The following GPC5 variants were observed in gnomAD, a reference collection of about 807,000 sequenced individuals.
GPC5 encodes glypican 5, also known as glypican-5.
Under a neutral mutation model 53.9 loss-of-function variants are expected in GPC5, and 47 were observed. The ratio of observed to expected loss-of-function variants is 0.87; its 90% CI spans 0.69 to 1.11. The LOEUF (loss-of-function observed/expected upper bound fraction) is 1.11, where lower values mean the gene tolerates loss of function less well. GPC5 is among the 50% of genes most tolerant of loss of function. The probability of loss-of-function intolerance (pLI) is 0.00; values close to 1 mark genes in which losing one functional copy is unlikely to be tolerated. For missense variants in GPC5, 748 were observed against 713.1 expected (o/e 1.05, Z -0.56); for synonymous variants, 286 against 263.3 (o/e 1.09, Z -0.84).
intron 7 of GPC5, among the ~76,000 whole-genome samples, chr13:92,767,757 G>A (rs1191208076): frequency 6.6e-6 from 1 of 151,940 alleles, no homozygotes; most frequent in Non-Finnish European, 1.5e-5. Flanking sequence ...AAGCATATTC[G>A]GCTGTACCTC....
At chr13:91,451,010 A>G (rs893261111) in intron 2 of GPC5, among the ~76,000 whole-genome samples, 10 of 152,194 alleles carry the variant, frequency 6.6e-5, no homozygotes, top group Non-Finnish European at 5.9e-5. Context: ...GCTGTACCAT[A>G]AGTGAGCAGG....
intron 5 of GPC5, among the ~76,000 whole-genome samples, chr13:91,846,287 G>C (rs1293660517): frequency 6.6e-6 from 1 of 151,688 alleles, no homozygotes; most frequent in Non-Finnish European, 1.5e-5. Context: ...ATCCTAAACT[G>C]CATGCTTTAT....
At chr13:92,709,946 C>G (rs563407299) in intron 7 of GPC5, among the ~76,000 whole-genome samples, 2 of 152,268 alleles carry the variant, frequency 1.3e-5, no homozygotes, top group East Asian at 3.9e-4. Flanking sequence ...AAAAAGATTT[C>G]TAAGAAGACT....
At chr13:91,726,234 T>C (rs2036574099) in intron 3 of GPC5, among the ~76,000 whole-genome samples, 1 of 152,214 alleles carries the variant, frequency 6.6e-6, no homozygotes, top group South Asian at 2.1e-4. Flanking sequence ...CCTGTTGACT[T>C]TGCCTCTCTT....
intron 7 of GPC5, among the ~76,000 whole-genome samples, chr13:92,708,214 A>AGAG (rs1888014416): frequency 1.3e-5 from 2 of 152,196 alleles, no homozygotes; most frequent in Admixed American, 1.3e-4. Context: ...AGGTGAATCA[A>AGAG]GAGTAAACTA....
chr13:92,473,233 C>T (rs1290640004), intron 7 of GPC5, among the ~76,000 whole-genome samples: 2 of 152,000 alleles, frequency 1.3e-5, no homozygotes, highest in Non-Finnish European at 2.9e-5. Context: ...TACCTCAATG[C>T]CCAGTAGAGA....
At chr13:92,563,318 TTCTA>T (rs1276607266) in intron 7 of GPC5, among the ~76,000 whole-genome samples, 5 of 152,046 alleles carry the variant, frequency 3.3e-5, no homozygotes, top group Non-Finnish European at 5.9e-5. Flanking sequence ...GTGTTAATTG[TTCTA>T]TCTAAGCTTT....
At chr13:92,030,706 C>G (rs986257899) in intron 6 of GPC5, among the ~76,000 whole-genome samples, 3 of 152,086 alleles carry the variant, frequency 2.0e-5, no homozygotes, top group South Asian at 2.1e-4. Context: ...CAAAGAGGAC[C>G]CTGAAGACTG....
intron 7 of GPC5, among the ~76,000 whole-genome samples, chr13:92,830,235 T>G (rs1035380550): frequency 6.6e-6 from 1 of 152,066 alleles, no homozygotes; most frequent in Non-Finnish European, 1.5e-5. Flanking sequence ...TTTTCGTGTT[T>G]TGTGCCTAAG....
rs538085871 is a variant in GPC5 at position 91,922,005 on chromosome 13, A to G, written c.1401+13948A>G. Among the ~76,000 whole-genome samples the G allele has an allele frequency of 1.3e-4, 20 of 152,278 alleles. No homozygotes were observed. In the East Asian group the frequency reaches 3.9e-3, roughly 29 times the overall value. ...ACAGAAACCAAAACAAAACTTTGCC[A>G]AAACTATAATATGGGTGAGGAAAAG... On this transcript the variant is annotated intron_variant, in intron 6 of 7. Coordinates refer to ENST00000377067, the MANE Select transcript of GPC5 (RefSeq NM_004466.6).
chr13:92,806,951 CA>C (rs1877121149), intron 7 of GPC5, among the ~76,000 whole-genome samples: 1 of 152,072 alleles, frequency 6.6e-6, no homozygotes, highest in African/African-American at 2.4e-5. Context: ...AAGGTGACCA[CA>C]AAACTTCAAT....
chr13:92,165,975 C>T (rs963970145), intron 7 of GPC5, among the ~76,000 whole-genome samples: 2 of 152,134 alleles, frequency 1.3e-5, no homozygotes, highest in Admixed American at 6.5e-5. Flanking sequence ...CCAAGAATAA[C>T]GTTAGGATTG....
intron 7 of GPC5, among the ~76,000 whole-genome samples, chr13:92,726,190 G>GT (rs1313092704): frequency 6.6e-6 from 1 of 151,428 alleles, no homozygotes; most frequent in Non-Finnish European, 1.5e-5. Context: ...TTCAGGCTTG[G>GT]TATCCCACAT....
At chr13:91,542,112 T>C (rs1004006123) in intron 2 of GPC5, among the ~76,000 whole-genome samples, 4 of 151,936 alleles carry the variant, frequency 2.6e-5, no homozygotes, top group African/African-American at 9.7e-5. Flanking sequence ...CATAGGACAT[T>C]CTTTCAGTAT....
chr13:92,506,056 G>A (rs1253554691), intron 7 of GPC5, among the ~76,000 whole-genome samples: 1 of 152,118 alleles, frequency 6.6e-6, no homozygotes, highest in Non-Finnish European at 1.5e-5. Flanking sequence ...ACATCAGCAT[G>A]GGCACAGGAG....
intron 7 of GPC5, among the ~76,000 whole-genome samples, chr13:92,538,208 T>G (rs1303858284): frequency 6.6e-6 from 1 of 150,614 alleles, no homozygotes; most frequent in Non-Finnish European, 1.5e-5. Context: ...GGATTATCTA[T>G]TCCTCGTCCT....
At chr13:92,723,013 T>G (rs11620499) in intron 7 of GPC5, among the ~76,000 whole-genome samples, 102 of 151,630 alleles carry the variant, frequency 6.7e-4, no homozygotes, top group South Asian at 2.7e-3. Context: ...CTAGAAATGA[T>G]GTGGATTTTG....
At chr13:92,374,416 T>C (rs2043675751) in intron 7 of GPC5, among the ~76,000 whole-genome samples, 1 of 152,106 alleles carries the variant, frequency 6.6e-6, no homozygotes. Flanking sequence ...ATCAACATGA[T>C]GTCACTGAAC....
chr13:92,865,212 G>C (rs956177428), intron 7 of GPC5, among the ~76,000 whole-genome samples: 1 of 152,110 alleles, frequency 6.6e-6, no homozygotes, highest in Non-Finnish European at 1.5e-5. Flanking sequence ...AATGCGACTG[G>C]ATCTTGGTGT....
Sources: gnomAD v4.1 joint callset for allele counts (sites outside exome capture counted in the v4.1 genomes callset) on GRCh38, gnomAD v4.1.1 for gene constraint, MANE v1.5 for transcripts, NCBI Gene and HGNC (gene_info 2026-07-23, HGNC 2026-07-21) for gene names.